PTPRT: variants seen among roughly 807,000 people sequenced by gnomAD.
The protein encoded by PTPRT is protein tyrosine phosphatase receptor type T.
A neutral mutation model predicts 176.8 loss-of-function variants in PTPRT; 56 were observed. That is an observed-to-expected ratio of 0.32 (90% confidence interval 0.26 to 0.40). The LOEUF is 0.40. Ranked by LOEUF, PTPRT falls within the 10% of genes least tolerant of loss-of-function variation. The pLI, the probability that PTPRT is intolerant of heterozygous loss-of-function variation, is 1.00. For missense variants in PTPRT, 1,540 were observed against 1,908.2 expected (o/e 0.81, Z 3.60); for synonymous variants, 783 against 739.0 (o/e 1.06, Z -0.96).
At chr20:42,889,654 T>C (rs565066891) in intron 1 of PTPRT, among the ~76,000 whole-genome samples, 35 of 152,334 alleles carry the variant, frequency 2.3e-4, no homozygotes, top group Non-Finnish European at 4.3e-4. Context: ...ATACACACAG[T>C]TCATGATTCT....
At chr20:42,230,154 A>G (rs777798102) in intron 15 of PTPRT, among the ~76,000 whole-genome samples, 2 of 152,218 alleles carry the variant, frequency 1.3e-5, no homozygotes, top group African/African-American at 4.8e-5. Flanking sequence ...TTGAAGAATG[A>G]TATCGGATTT....
At chr20:42,828,896 T>A (rs773141596) in intron 2 of PTPRT, among the ~76,000 whole-genome samples, 5 of 152,122 alleles carry the variant, frequency 3.3e-5, no homozygotes, top group Non-Finnish European at 5.9e-5. Context: ...AAGGGAAATG[T>A]GGGGTTAGAG....
chr20:42,903,589 T>C (rs962014368), intron 1 of PTPRT, among the ~76,000 whole-genome samples: 4 of 152,360 alleles, frequency 2.6e-5, no homozygotes, highest in African/African-American at 9.6e-5. Flanking sequence ...CAGTTGGTTG[T>C]CAGAAGTCCT....
the PTPRT span, among the ~76,000 whole-genome samples, chr20:42,039,941 G>A: frequency 6.6e-6 from 1 of 151,764 alleles, no homozygotes; most frequent in African/African-American, 2.4e-5. Context: ...CATTTCCTTT[G>A]GATATATATC....
intron 1 of PTPRT, among the ~76,000 whole-genome samples, chr20:43,061,001 A>T (rs1028461305): frequency 5.3e-5 from 8 of 152,174 alleles, no homozygotes; most frequent in African/African-American, 1.9e-4. Flanking sequence ...TAAAAAATTT[A>T]AAATAGATAG....
Position 42,265,472 on chromosome 20 carries a change from T to C in PTPRT, c.2177-16650A>G, listed in dbSNP as rs146686300. Among the ~76,000 whole-genome samples, 758 of 152,332 alleles carry C rather than the reference T, an allele frequency of 5.0e-3. 6 individuals are homozygous for C. The highest frequency in any genetic ancestry group is 0.018 in the African/African-American group (733 of 41,566). ...CACATTCCATAGCATGTAGGAAGTA[T>C]GTAACATACTTGCTGTTATATTTTT... is the stretch of plus-strand genomic sequence containing the variant. On this transcript the variant is annotated intron_variant, in intron 13 of 30. Transcript: ENST00000373187.
At chr20:42,732,168 A>G (rs2076471494) in intron 6 of PTPRT, among the ~76,000 whole-genome samples, 6 of 152,216 alleles carry the variant, frequency 3.9e-5, no homozygotes. Context: ...AAAAAAAATA[A>G]ATAAAATTTA....
At chr20:42,152,693 C>T (rs548847818) in intron 17 of PTPRT, among the ~76,000 whole-genome samples, 4 of 152,294 alleles carry the variant, frequency 2.6e-5, no homozygotes, top group Admixed American at 1.3e-4. Context: ...AGGCTACAGA[C>T]TTCCAGCTGT....
At chr20:42,045,611 G>A in the PTPRT span, among the ~76,000 whole-genome samples, 1 of 151,960 alleles carries the variant, frequency 6.6e-6, no homozygotes, top group East Asian at 1.9e-4. Context: ...AGTATTGCCA[G>A]TGTGGTAAAA....
chr20:42,113,341 G>C (rs1270481330), intron 22 of PTPRT, among the ~76,000 whole-genome samples: 1 of 152,250 alleles, frequency 6.6e-6, no homozygotes, highest in Non-Finnish European at 1.5e-5. Flanking sequence ...CCATCCTCGG[G>C]CATTCAACAC....
the PTPRT span, among the ~76,000 whole-genome samples, chr20:42,060,974 A>C: frequency 2.6e-5 from 4 of 152,244 alleles, no homozygotes; most frequent in African/African-American, 9.6e-5. Flanking sequence ...ATCTGAATAA[A>C]GTTCCTTAGC....
At chr20:42,833,058 C>A (rs2078119521) in intron 2 of PTPRT, among the ~76,000 whole-genome samples, 1 of 151,880 alleles carries the variant, frequency 6.6e-6, no homozygotes, top group Admixed American at 6.6e-5. Context: ...CCACTACACT[C>A]CAACCTGGAC....
intron 1 of PTPRT, among the ~76,000 whole-genome samples, chr20:42,900,899 C>G (rs985270050): frequency 6.6e-6 from 1 of 151,940 alleles, no homozygotes; most frequent in African/African-American, 2.4e-5. Context: ...GGGCTCAAGG[C>G]ATAAAACCCC....
intron 1 of PTPRT, among the ~76,000 whole-genome samples, chr20:42,920,299 A>C (rs1321336835): frequency 6.6e-6 from 1 of 152,206 alleles, no homozygotes; most frequent in East Asian, 1.9e-4. Flanking sequence ...AGCACAAAAG[A>C]CTATATGCCA....
intron 13 of PTPRT, among the ~76,000 whole-genome samples, chr20:42,276,581 A>C (rs73120034): frequency 0.12 from 14,488 of 120,878 alleles, 1,306 homozygotes; most frequent in Non-Finnish European, 0.17. Context: ...TACTTGGTAG[A>C]AAGGGCTACC....
chr20:42,046,562 G>A, the PTPRT span, among the ~76,000 whole-genome samples: 6 of 152,188 alleles, frequency 3.9e-5, no homozygotes, highest in East Asian at 1.9e-4. Context: ...AGCCACAGAC[G>A]TGAGACCATG....
intron 1 of PTPRT, among the ~76,000 whole-genome samples, chr20:43,057,803 G>C (rs542665500): frequency 4.7e-4 from 71 of 152,348 alleles, no homozygotes; most frequent in African/African-American, 1.4e-3. Flanking sequence ...TAACTGCAGA[G>C]AGTTCAGGGG....
At chr20:42,858,470 G>A (rs959976257) in intron 2 of PTPRT, among the ~76,000 whole-genome samples, 9 of 152,240 alleles carry the variant, frequency 5.9e-5, no homozygotes, top group South Asian at 4.2e-4. Flanking sequence ...AACGCTAACC[G>A]CCAAGGTGAT....
At chr20:42,272,989 A>G (rs1274812950) in intron 13 of PTPRT, among the ~76,000 whole-genome samples, 1 of 152,210 alleles carries the variant, frequency 6.6e-6, no homozygotes, top group African/African-American at 2.4e-5. Flanking sequence ...GTGATCACAC[A>G]TTCTGAAATA....
Sources: allele counts gnomAD v4.1 joint callset (sites outside exome capture counted in the v4.1 genomes callset), GRCh38; gene constraint gnomAD v4.1.1; transcripts MANE v1.5; gene names NCBI Gene and HGNC (gene_info 2026-07-23, HGNC 2026-07-21).